ARF4: variants seen among roughly 807,000 people sequenced by gnomAD.
ARF4 encodes the protein ARF GTPase 4.
In ARF4, 5 loss-of-function variants were observed where a neutral mutation model predicts 24.3. The observed-to-expected ratio is 0.21, with a 90% CI of 0.11 to 0.43. The LOEUF (loss-of-function observed/expected upper bound fraction) is 0.43. ARF4 is among the 20% of genes least tolerant of loss of function. The pLI is 1.00. For synonymous variants in ARF4, 62 were observed against 73.5 expected (o/e 0.84, Z 0.80); for missense variants, 107 against 213.0 (o/e 0.50, Z 3.10).
chr3:57,575,765 C>T lies in ARF4; in HGVS notation c.331-92G>A, dbSNP rs1575780508. 43 of 1,286,640 alleles carry T rather than the reference C, an allele frequency of 3.3e-5. No homozygotes were observed. The East Asian group carries it at 1.1e-3, about 33-fold the overall frequency. The allele number at this position is 1,286,640 out of a possible 1,614,324, so 79.7% of individuals were successfully genotyped here. A position where few individuals can be genotyped will look rare whatever the true frequency, so the allele number is the denominator to read the frequency against. On this transcript the variant is annotated intron_variant, in intron 4 of 5. Transcript: ENST00000303436. ...TATATACTTTACTCAGCATTAAATA[C>T]ATTATTAAACATTAACCTAATTTCT...
At position 57,572,194 on chromosome 3, in the gene ARF4, T is replaced by A. The variant is rs1376614863; in HGVS notation, c.*18A>T. 1 of 1,598,308 alleles carries A rather than the reference T, an allele frequency of 6.3e-7. No individual in the cohort carries two copies. Among genetic ancestry groups the A allele is most frequent in the Non-Finnish European group, 8.6e-7 (1 of 1,165,932 alleles). On this transcript the variant is annotated 3_prime_UTR_variant, in exon 6 of 6. Coordinates refer to ENST00000303436, the MANE Select transcript of ARF4 (RefSeq NM_001660.4). ...CCAATTTTATCAAACATGTCCTTGG[T>A]TAGATATCCAATTTCATTTAACGTT...
chr3:57,586,827 G>T (rs2070043318), intron 1 of ARF4, among the ~76,000 whole-genome samples: 1 of 152,022 alleles, frequency 6.6e-6, no homozygotes, highest in South Asian at 2.1e-4. Context: ...TCTTTAAATG[G>T]TCCAACAAAG....
Position 57,575,626 on chromosome 3 carries a change from G to A in ARF4, c.378C>T (p.Asn126=). The change falls in exon 5 of 6, where the codon AAC becomes AAT. Residue 126 remains asparagine (N), a synonymous_variant. Coordinates refer to ENST00000303436, the MANE Select transcript of ARF4 (RefSeq NM_001660.4). ...CCATAGCATTTGGCAAATCCTGTTT[G>A]TTTGCAAAAAGTAGCAGCACTGCAT... is the stretch of plus-strand genomic sequence containing the variant. ...LRDAVLLLFA[N]KQDLPNAMAI... 1 of 1,613,368 alleles carries A rather than the reference G, an allele frequency of 6.2e-7. No individual in the cohort carries two copies. The highest frequency in any genetic ancestry group is 8.5e-7 in the Non-Finnish European group (1 of 1,179,760).
At chr3:57,577,213 T>C in intron 4 of ARF4, 103 bp downstream of exon 4, 1 of 909,634 alleles carries the variant, frequency 1.1e-6, no homozygotes, top group Non-Finnish European at 1.8e-6. Context: ...GCCCCCCCAA[T>C]CCATTTGTGT....
At chr3:57,573,256 A>C (rs1236541904) in intron 5 of ARF4, among the ~76,000 whole-genome samples, 1 of 151,986 alleles carries the variant, frequency 6.6e-6, no homozygotes. Context: ...TTTTAAGGGC[A>C]AGCTTTTCAG....
chr3:57,574,409 T>A (rs1263714087), intron 5 of ARF4, among the ~76,000 whole-genome samples: 3 of 12,902 alleles, frequency 2.3e-4, no homozygotes, highest in African/African-American at 3.0e-4. Flanking sequence ...GAAGTACAAA[T>A]TTTTTTTTTT....
intron 1 of ARF4, 69 bp downstream of exon 1, chr3:57,597,005 C>T (rs2070197464): frequency 2.6e-6 from 4 of 1,557,734 alleles, no homozygotes; most frequent in East Asian, 2.3e-5. Flanking sequence ...AAAACAGGCC[C>T]AGAGGCCACC....
intron 1 of ARF4, 49 bp from the exon 2 acceptor site, chr3:57,584,513 A>G (rs1216542727): frequency 6.9e-7 from 1 of 1,449,752 alleles, no homozygotes; most frequent in South Asian, 1.2e-5. Context: ...AGCACACTCC[A>G]AGAAATAATT....
At chr3:57,596,651 A>G (rs4340677) in intron 1 of ARF4, 140,409 of 183,042 alleles carry the variant, frequency 0.77, 56,141 homozygotes, top group East Asian at 1. Context: ...GAAACGCAGA[A>G]GGGGAGGGAA....
At chr3:57,572,378 T>TA in intron 5 of ARF4, 80 bp from the exon 6 acceptor site, 1 of 1,102,506 alleles carries the variant, frequency 9.1e-7, no homozygotes, top group Non-Finnish European at 1.4e-6. Context: ...TAATCAAACT[T>TA]AAGAGTCTTT....
At chr3:57,590,616 T>C (rs1485653911) in intron 1 of ARF4, among the ~76,000 whole-genome samples, 1 of 152,254 alleles carries the variant, frequency 6.6e-6, no homozygotes, top group Non-Finnish European at 1.5e-5. Context: ...TTTTCCTTTA[T>C]CTTTCAAATT....
At position 57,596,669 on chromosome 3, in the gene ARF4, G is replaced by A. The variant is rs1007823055; in HGVS notation, c.67+405C>T. 3.7e-5 allele frequency: 7 copies of A among 191,740 alleles called. 1 individual carries two copies. The South Asian group carries it at 5.3e-4, about 14-fold the overall frequency. 11.9% of individuals were successfully genotyped at this position (191,740 alleles called of 1,614,324 possible). ...ACGCAGAAGGGGAGGGAAAAGGCTG[G>A]AGTTGCTCTGCCTCCCTCCTGACCG... On this transcript the variant is annotated intron_variant, in intron 1 of 5. Coordinates refer to ENST00000303436, the MANE Select transcript of ARF4 (RefSeq NM_001660.4).
At chr3:57,593,894 T>C (rs1195791021) in intron 1 of ARF4, among the ~76,000 whole-genome samples, 1 of 152,098 alleles carries the variant, frequency 6.6e-6, no homozygotes, top group African/African-American at 2.4e-5. Flanking sequence ...GCAGGTCTAA[T>C]GGCATGTCCT....
At chr3:57,591,576 C>T (rs1207375764) in intron 1 of ARF4, among the ~76,000 whole-genome samples, 1 of 151,666 alleles carries the variant, frequency 6.6e-6, no homozygotes, top group Non-Finnish European at 1.5e-5. Flanking sequence ...AAGGGATTCT[C>T]GTGCCTCGGC....
intron 2 of ARF4, 181 bp downstream of exon 2, chr3:57,584,203 T>C: frequency 1.4e-6 from 1 of 725,872 alleles, no homozygotes; most frequent in Admixed American, 3.0e-5. Flanking sequence ...GCTCAAGCAA[T>C]CCACCCGCCT....
Position 57,594,053 on chromosome 3 carries a change from C to T in ARF4, c.67+3021G>A, listed in dbSNP as rs1051110561. 8.5e-5 allele frequency among the ~76,000 whole-genome samples: 13 copies of T among 152,078 alleles called. No homozygotes were observed. The East Asian group carries it at 1.9e-3, about 23-fold the overall frequency. ...GGTGGATCACCTGAGGTCAGGAGTT[C>T]GAGACTAGCCTGGCCAACATGGTGA... On this transcript the variant is annotated intron_variant, in intron 1 of 5. Transcript: ENST00000303436.
intron 1 of ARF4, among the ~76,000 whole-genome samples, chr3:57,594,290 G>A (rs898785748): frequency 1.3e-5 from 2 of 151,986 alleles, no homozygotes; most frequent in Admixed American, 6.6e-5. Flanking sequence ...AAATAGATAC[G>A]GGGTCTTGCT....
At chr3:57,592,304 T>C (rs1218141433) in intron 1 of ARF4, among the ~76,000 whole-genome samples, 1 of 151,866 alleles carries the variant, frequency 6.6e-6, no homozygotes, top group Non-Finnish European at 1.5e-5. Context: ...GCTTGACCAA[T>C]ATGGTGAAAC....
chr3:57,596,135 A>G (rs1048978536), intron 1 of ARF4, among the ~76,000 whole-genome samples: 1 of 152,158 alleles, frequency 6.6e-6, no homozygotes, highest in Non-Finnish European at 1.5e-5. Context: ...GCCAACTGAC[A>G]GCCCTTCTCC....
Sources: allele counts gnomAD v4.1 joint callset (sites outside exome capture counted in the v4.1 genomes callset), GRCh38; gene constraint gnomAD v4.1.1; transcripts MANE v1.5; gene names NCBI Gene and HGNC (gene_info 2026-07-23, HGNC 2026-07-21).